LRRC20: variants seen among roughly 807,000 people sequenced by gnomAD.
LRRC20 encodes the protein leucine-rich repeat-containing protein 20.
Under a neutral mutation model 14.4 loss-of-function variants are expected in LRRC20, and 11 were observed. The observed-to-expected ratio is 0.77, with a 90% CI of 0.48 to 1.27. The LOEUF (loss-of-function observed/expected upper bound fraction) is 1.27. LRRC20 is among the 50% of genes most tolerant of loss of function. The pLI, the probability that LRRC20 is intolerant of heterozygous loss-of-function variation, is 0.00. For missense variants in LRRC20, 219 were observed against 251.2 expected, an observed-to-expected ratio of 0.87 and a Z score of 0.87; for synonymous variants, 121 against 107.3, an observed-to-expected ratio of 1.13 and a Z score of -0.79.
rs977971911 is a variant in LRRC20 at position 70,347,586 on chromosome 10, G to A, written c.83-6884C>T. Among the ~76,000 whole-genome samples, 6 of 152,138 alleles carry A rather than the reference G, an allele frequency of 3.9e-5. No individual in the cohort carries two copies. The East Asian group carries it at 5.8e-4, about 15-fold the overall frequency. On this transcript the variant is annotated intron_variant, in intron 2 of 4. Coordinates refer to ENST00000446961, the MANE Select transcript of LRRC20 (RefSeq NM_001278212.2). ...GTAATTCCCAGCACTTTGGGAGGCC[G>A]AGGCGGGCAAATCACTTGAGGTCAG... is the stretch of plus-strand genomic sequence containing the variant.
intron 3 of LRRC20, among the ~76,000 whole-genome samples, chr10:70,331,926 C>G (rs1384063170): frequency 6.6e-6 from 1 of 152,202 alleles, no homozygotes; most frequent in Admixed American, 6.5e-5. Flanking sequence ...GACTCAGAGG[C>G]CTTAGATTAA....
At chr10:70,378,617 T>A (rs1844594348) in intron 1 of LRRC20, among the ~76,000 whole-genome samples, 1 of 151,712 alleles carries the variant, frequency 6.6e-6, no homozygotes, top group East Asian at 1.9e-4. Context: ...TAAAACTCCA[T>A]CTCTACTAAA....
intron 2 of LRRC20, among the ~76,000 whole-genome samples, chr10:70,361,615 C>G (rs959698404): frequency 6.6e-6 from 1 of 152,134 alleles, no homozygotes; most frequent in Non-Finnish European, 1.5e-5. Context: ...GCAGGGCATA[C>G]AAAGATTTGG....
Position 70,301,245 on chromosome 10 carries a change from G to GC in LRRC20, c.*108dup. On this transcript the variant is annotated 3_prime_UTR_variant, in exon 5 of 5. Transcript: ENST00000446961. ...CACCCCACCCACCACGTGCTGCTCG[G>GC]CCCACCCGCCCCCAGCCCCCAGGCT... The GC allele has an allele frequency of 6.8e-7, 1 of 1,465,180 alleles. No homozygotes were observed. The highest frequency in any genetic ancestry group is 1.4e-5 in the African/African-American group (1 of 70,212). The allele number at this position is 1,465,180 out of a possible 1,614,324, so 90.8% of individuals were successfully genotyped here. A position where few individuals can be genotyped will look rare whatever the true frequency, so the allele number is the denominator to read the frequency against.
intron 4 of LRRC20, among the ~76,000 whole-genome samples, chr10:70,309,704 A>C (rs1309845660): frequency 2.0e-5 from 3 of 152,246 alleles, no homozygotes; most frequent in African/African-American, 7.2e-5. Context: ...GAGGCTGAAC[A>C]GGAGCTTGCT....
At chr10:70,342,401 A>G (rs1461088158) in intron 2 of LRRC20, among the ~76,000 whole-genome samples, 1 of 152,174 alleles carries the variant, frequency 6.6e-6, no homozygotes, top group African/African-American at 2.4e-5. Flanking sequence ...TAAGTGGATG[A>G]ATTGTGTGGC....
chr10:70,358,473 T>C (rs375217265), intron 2 of LRRC20, among the ~76,000 whole-genome samples: 1,551 of 152,346 alleles, frequency 0.01, 22 homozygotes, highest in South Asian at 0.056. Flanking sequence ...AATCCACCCC[T>C]GTAAGCAATG....
chr10:70,361,175 T>G (rs1589116021), intron 2 of LRRC20, among the ~76,000 whole-genome samples: 1 of 152,188 alleles, frequency 6.6e-6, no homozygotes, highest in Non-Finnish European at 1.5e-5. Context: ...CACAAACCAC[T>G]GCAGCTCATG....
At chr10:70,357,226 C>T (rs564936968) in intron 2 of LRRC20, among the ~76,000 whole-genome samples, 23 of 152,266 alleles carry the variant, frequency 1.5e-4, no homozygotes, top group African/African-American at 2.9e-4. Context: ...GAAAGGACTC[C>T]GCATGGTACA....
chr10:70,365,675 TGG>T (rs1266534567), intron 2 of LRRC20, among the ~76,000 whole-genome samples: 3 of 152,038 alleles, frequency 2.0e-5, no homozygotes, highest in African/African-American at 7.2e-5. Flanking sequence ...CACTCCAGCC[TGG>T]GCAACATACC....
chr10:70,354,664 T>G (rs1423584683), intron 2 of LRRC20, among the ~76,000 whole-genome samples: 1 of 152,136 alleles, frequency 6.6e-6, no homozygotes, highest in Non-Finnish European at 1.5e-5. Context: ...AGTAACTGAG[T>G]GCTGGCTGCT....
At chr10:70,374,792 G>T (rs1254879821) in intron 2 of LRRC20, among the ~76,000 whole-genome samples, 1 of 152,192 alleles carries the variant, frequency 6.6e-6, no homozygotes, top group Non-Finnish European at 1.5e-5. Flanking sequence ...AAGGGGAAGG[G>T]CTTAGGTCTC....
intron 4 of LRRC20, among the ~76,000 whole-genome samples, chr10:70,318,491 C>A (rs141618225): frequency 0.01 from 1,590 of 152,304 alleles, 27 homozygotes; most frequent in African/African-American, 0.037. Context: ...CAGTGGCTCA[C>A]GCCTGTAATC....
At chr10:70,355,936 C>T (rs927092795) in intron 2 of LRRC20, among the ~76,000 whole-genome samples, 1 of 152,162 alleles carries the variant, frequency 6.6e-6, no homozygotes, top group Non-Finnish European at 1.5e-5. Flanking sequence ...TGCCTTCTCA[C>T]GTCCTGCTGC....
rs1278223703 is a variant in LRRC20 at position 70,299,824 on chromosome 10, G to C, written c.*1530C>G. ...CCAACCAGGCCTTGGGATACGAGCA[G>C]AATGAACAGAGTCTCTTGAGATACT... is the stretch of plus-strand genomic sequence containing the variant. On this transcript the variant is annotated 3_prime_UTR_variant, in exon 5 of 5. Coordinates refer to ENST00000446961, the MANE Select transcript of LRRC20 (RefSeq NM_001278212.2). 3 of 152,260 alleles carry C rather than the reference G, an allele frequency of 2.0e-5. No individual in the cohort carries two copies. 9.4% of individuals were successfully genotyped at this position (152,260 alleles called of 1,614,324 possible). A position where few individuals can be genotyped will look rare whatever the true frequency, so the allele number is the denominator to read the frequency against.
chr10:70,335,915 G>A lies in LRRC20; in HGVS notation c.232+4638C>T, dbSNP rs1436984782. Among the ~76,000 whole-genome samples the A allele has an allele frequency of 2.0e-5, 3 of 152,080 alleles. No homozygotes were observed. In the East Asian group the frequency reaches 5.8e-4, roughly 29 times the overall value. The stretch of plus-strand genomic sequence containing the variant: ...GAGGCTTTCTGATTCCCTAATTACT[G>A]AAAGCAAAACTGACTTCCAACACCT... On this transcript the variant is annotated intron_variant, in intron 3 of 4. Transcript: ENST00000446961.
At chr10:70,333,917 T>C (rs10823522) in intron 3 of LRRC20, among the ~76,000 whole-genome samples, 43,550 of 152,090 alleles carry the variant, frequency 0.29, 6,435 homozygotes, top group East Asian at 0.49. Context: ...TGGGAGGACA[T>C]GATGGGTGGA....
chr10:70,311,289 C>T (rs190555186), intron 4 of LRRC20, among the ~76,000 whole-genome samples: 74 of 137,378 alleles, frequency 5.4e-4, no homozygotes, highest in African/African-American at 1.6e-3. Context: ...GGTGCAATGG[C>T]GCGATCTCAG....
At chr10:70,356,436 A>G (rs1280319898) in intron 2 of LRRC20, among the ~76,000 whole-genome samples, 1 of 152,138 alleles carries the variant, frequency 6.6e-6, no homozygotes, top group Non-Finnish European at 1.5e-5. Context: ...GGATCGCTTG[A>G]GCTTGGGAGG....
Sources: gnomAD v4.1 joint callset for allele counts (sites outside exome capture counted in the v4.1 genomes callset) on GRCh38, gnomAD v4.1.1 for gene constraint, MANE v1.5 for transcripts, NCBI Gene and HGNC (gene_info 2026-07-23, HGNC 2026-07-21) for gene names.